The following FAR2 variants were observed in gnomAD, a reference collection of about 807,000 sequenced individuals.
FAR2 encodes fatty acyl-CoA reductase 2.
In FAR2, 19 loss-of-function variants were observed where a neutral mutation model predicts 56.0. The ratio of observed to expected loss-of-function variants is 0.34; its 90% CI spans 0.24 to 0.50. FAR2 has a LOEUF of 0.50. Among genes scored for constraint, FAR2 ranks in the 20% least tolerant of loss-of-function variants. FAR2 has a pLI of 0.98. For missense variants in FAR2, 508 were observed against 642.2 expected, an observed-to-expected ratio of 0.79 and a Z score of 2.26; for synonymous variants, 219 against 218.8, an observed-to-expected ratio of 1.00 and a Z score of -0.01.
chr12:29,162,071 CTGGCCTTT>C (rs1949786321), intron 1 of FAR2, among the ~76,000 whole-genome samples: 1 of 152,124 alleles, frequency 6.6e-6, no homozygotes. Flanking sequence ...CAATCTATGC[CTGGCCTTT>C]TTGCTCTTTT....
chr12:29,157,106 T>TTTATATATA (rs1207127541), intron 1 of FAR2: 1 of 73,458 alleles, frequency 1.4e-5, no homozygotes, highest in Non-Finnish European at 2.5e-5. Flanking sequence ...AAAGAACATT[T>TTTATATATA]TATATATATA....
At chr12:29,249,616 A>G (rs1342934244) in intron 1 of FAR2, among the ~76,000 whole-genome samples, 1 of 152,216 alleles carries the variant, frequency 6.6e-6, no homozygotes, top group African/African-American at 2.4e-5. Context: ...CATCACAATT[A>G]CTTTAGTGCA....
At chr12:29,252,365 G>A (rs982042768) in intron 1 of FAR2, among the ~76,000 whole-genome samples, 3 of 152,176 alleles carry the variant, frequency 2.0e-5, no homozygotes, top group Admixed American at 6.5e-5. Context: ...ACTACCTGGA[G>A]TGCTTACTGA....
intron 11 of FAR2, 52 bp from the exon 12 acceptor site, chr12:29,333,580 G>A (rs1474441024): frequency 7.4e-6 from 11 of 1,485,256 alleles, no homozygotes; most frequent in Non-Finnish European, 1.0e-5. Flanking sequence ...TTCAGATAAT[G>A]TGGTTGGGTA....
In FAR2 at chr12:29,335,587, T is replaced by C. The variant is rs1053502006; in HGVS notation, c.*1793T>C. On this transcript the variant is annotated 3_prime_UTR_variant, in exon 12 of 12. Transcript: ENST00000536681. The stretch of plus-strand genomic sequence containing the variant: ...TAATCAAGTATTCACATTTTGACTT[T>C]TGATTAAATAAAAATTTGAATTAAA... 6.6e-6 allele frequency: 1 copy of C among 152,200 alleles called. No homozygotes were observed. Among genetic ancestry groups the C allele is most frequent in the Non-Finnish European group, 1.5e-5 (1 of 68,044 alleles). The allele number at this position is 152,200 out of a possible 1,614,324, so 9.4% of individuals were successfully genotyped here.
chr12:29,285,915 A>C (rs537990062), intron 2 of FAR2, among the ~76,000 whole-genome samples: 36 of 152,148 alleles, frequency 2.4e-4, no homozygotes, highest in African/African-American at 8.4e-4. Context: ...TTCAGTCTTA[A>C]AAAAAGCTTC....
At chr12:29,168,380 T>A (rs1451255558) in intron 1 of FAR2, among the ~76,000 whole-genome samples, 2 of 152,252 alleles carry the variant, frequency 1.3e-5, no homozygotes, top group Admixed American at 1.3e-4. Flanking sequence ...GCAGTGTGCT[T>A]ACTGACAGAC....
intron 1 of FAR2, among the ~76,000 whole-genome samples, chr12:29,253,358 TAC>T (rs1948262819): frequency 3.8e-5 from 3 of 79,302 alleles, no homozygotes; most frequent in Admixed American, 1.1e-4. Context: ...TATCTATCTA[TAC>T]AGATATCTAT....
chr12:29,302,382 G>A (rs1291610290), intron 4 of FAR2, among the ~76,000 whole-genome samples: 1 of 152,160 alleles, frequency 6.6e-6, no homozygotes, highest in South Asian at 2.1e-4. Flanking sequence ...TGGTGGAGTG[G>A]AGGGAGGCAT....
At position 29,316,864 on chromosome 12, in the gene FAR2, GA is replaced by G. The variant is rs766089727; in HGVS notation, c.985del (p.Ile329SerfsTer49). 6.2e-7 allele frequency: 1 copy of G among 1,613,750 alleles called. No individual in the cohort carries two copies. The highest frequency in any genetic ancestry group is 1.3e-5 in the African/African-American group (1 of 74,856). ...AGGAGTCCAAGTCTTGGCAACCTTT[GA>G]AAAAATCCCATTTGAGAGACCTTTC... ...KMGVQVLATF[E>X]KIPFERPFRR... On this transcript the variant is annotated frameshift_variant, in exon 9 of 12. Transcript: ENST00000536681. LOFTEE classifies it high-confidence loss of function.
chr12:29,200,743 C>T (rs1947399086), intron 1 of FAR2, among the ~76,000 whole-genome samples: 1 of 152,170 alleles, frequency 6.6e-6, no homozygotes, highest in Non-Finnish European at 1.5e-5. Flanking sequence ...CTCATATAAT[C>T]TTAAGACTAA....
chr12:29,333,724 G>A lies in FAR2; in HGVS notation c.1478G>A (p.Trp493Ter). Reference protein sequence around the residue: ...IARSQMARNVWFFIVSFCYKF... With the variant: ...IARSQMARNV Reference sequence around the variant, plus strand: ...AGATCTCAGATGGCTCGGAATGTCTGGTTCTTCATTGTAAGCTTCTGTTAT... The same window carrying A: ...AGATCTCAGATGGCTCGGAATGTCTAGTTCTTCATTGTAAGCTTCTGTTAT... The change falls in exon 12 of 12, where the codon TGG becomes TAG. Residue 493 changes from tryptophan to a stop codon, truncating the protein, a stop_gained. Transcript: ENST00000536681. LOFTEE classifies it high-confidence loss of function. 1.2e-6 allele frequency: 2 copies of A among 1,613,750 alleles called. No individual in the cohort carries two copies. Among genetic ancestry groups the A allele is most frequent in the Non-Finnish European group, 8.5e-7 (1 of 1,179,734 alleles).
intron 1 of FAR2, among the ~76,000 whole-genome samples, chr12:29,160,435 G>C: frequency 6.6e-6 from 1 of 152,218 alleles, no homozygotes; most frequent in East Asian, 1.9e-4. Flanking sequence ...TTCCGGTGCA[G>C]AAGAACCCTT....
At chr12:29,218,788 G>C (rs1947652227) in intron 1 of FAR2, among the ~76,000 whole-genome samples, 1 of 152,140 alleles carries the variant, frequency 6.6e-6, no homozygotes, top group South Asian at 2.1e-4. Context: ...AGCACAGTGA[G>C]CATAACGGCA....
At chr12:29,175,737 T>C (rs1248137817) in intron 1 of FAR2, among the ~76,000 whole-genome samples, 1 of 152,170 alleles carries the variant, frequency 6.6e-6, no homozygotes, top group Non-Finnish European at 1.5e-5. Context: ...AGAGTGCTGA[T>C]TGGTGCGTTT....
chr12:29,252,724 T>C (rs193276288), intron 1 of FAR2, among the ~76,000 whole-genome samples: 13 of 152,330 alleles, frequency 8.5e-5, no homozygotes, highest in Admixed American at 7.2e-4. Flanking sequence ...GTTGTATTTA[T>C]GTTAGATGGA....
intron 1 of FAR2, among the ~76,000 whole-genome samples, chr12:29,228,565 A>G (rs551040049): frequency 4.0e-4 from 58 of 145,650 alleles, no homozygotes; most frequent in Non-Finnish European, 7.5e-4. Flanking sequence ...GACCTTCTGT[A>G]TATTAGTGAA....
At chr12:29,169,693 T>A (rs1949867001) in intron 1 of FAR2, among the ~76,000 whole-genome samples, 2 of 152,204 alleles carry the variant, frequency 1.3e-5, no homozygotes, top group African/African-American at 4.8e-5. Context: ...CTTGGCGGTT[T>A]TGGAGAGTCA....
chr12:29,186,759 TTTATTTATTTA>T, intron 1 of FAR2, among the ~76,000 whole-genome samples: 2 of 18,420 alleles, frequency 1.1e-4, no homozygotes, highest in East Asian at 0.029. Flanking sequence ...TTATTTATTA[TTTATTTATTTA>T]TTTATTTATT....
Sources: allele counts gnomAD v4.1 joint callset (sites outside exome capture counted in the v4.1 genomes callset), GRCh38; gene constraint gnomAD v4.1.1; transcripts MANE v1.5; gene names NCBI Gene and HGNC (gene_info 2026-07-23, HGNC 2026-07-21).